The following TMEM232 variants were observed in gnomAD, a reference collection of about 807,000 sequenced individuals.
TMEM232 encodes the protein transmembrane protein 232.
In TMEM232, 80 loss-of-function variants were observed where a neutral mutation model predicts 78.8. The observed-to-expected ratio is 1.01, with a 90% CI of 0.85 to 1.22. TMEM232 has a LOEUF of 1.22. Among genes scored for constraint, TMEM232 ranks in the 50% most tolerant of loss-of-function variants. The probability of loss-of-function intolerance (pLI) is 0.00; values close to 1 mark genes in which losing one functional copy is unlikely to be tolerated. For synonymous variants in TMEM232, 297 were observed against 254.3 expected (o/e 1.17, Z -1.60); for missense variants, 881 against 742.2 (o/e 1.19, Z -2.17).
At chr5:110,532,268 C>A (rs1410677177) in intron 11 of TMEM232, among the ~76,000 whole-genome samples, 2 of 151,960 alleles carry the variant, frequency 1.3e-5, no homozygotes, top group East Asian at 3.9e-4. Flanking sequence ...GCCCAAGGCT[C>A]TCTGACTGAC....
intron 1 of TMEM232, among the ~76,000 whole-genome samples, chr5:110,698,813 A>C (rs1036185632): frequency 1.3e-5 from 2 of 152,132 alleles, no homozygotes; most frequent in Non-Finnish European, 2.9e-5. Context: ...GCTGCAGTTA[A>C]AATGGTGGTT....
chr5:110,703,173 A>G (rs1795597017), intron 1 of TMEM232, among the ~76,000 whole-genome samples: 1 of 152,042 alleles, frequency 6.6e-6, no homozygotes, highest in Admixed American at 6.6e-5. Flanking sequence ...AAATTCCATC[A>G]AAAAGGAGCT....
intron 2 of TMEM232, among the ~76,000 whole-genome samples, chr5:110,665,737 C>T (rs568031515): frequency 5.9e-5 from 9 of 151,970 alleles, no homozygotes; most frequent in African/African-American, 2.2e-4. Flanking sequence ...CCCACTAATG[C>T]AGACTTATAC....
At chr5:110,391,423 C>T (rs1014546616) in intron 3 of TMEM232, among the ~76,000 whole-genome samples, 3 of 151,314 alleles carry the variant, frequency 2.0e-5, no homozygotes, top group African/African-American at 2.4e-5. Context: ...ATTTATTGAG[C>T]CGATGTGTCA....
chr5:110,597,090 C>T (rs868344288), intron 10 of TMEM232, among the ~76,000 whole-genome samples: 16 of 151,948 alleles, frequency 1.1e-4, no homozygotes, highest in East Asian at 3.9e-4. Flanking sequence ...TGTTTGCAGA[C>T]GACATGATTG....
chr5:110,423,535 A>C (rs1376958075), intron 13 of TMEM232, among the ~76,000 whole-genome samples: 1 of 152,206 alleles, frequency 6.6e-6, no homozygotes, highest in African/African-American at 2.4e-5. Flanking sequence ...TTATTAGGCT[A>C]GCCGCACATC....
intron 1 of TMEM232, among the ~76,000 whole-genome samples, chr5:110,713,132 A>G (rs1474200214): frequency 6.9e-6 from 1 of 145,278 alleles, no homozygotes; most frequent in African/African-American, 2.7e-5. Context: ...ATGTTAAGAG[A>G]AAAAAAAAAC....
chr5:110,584,040 A>G lies in TMEM232; in HGVS notation c.1277-15415T>C, dbSNP rs192508408. 2.6e-5 allele frequency among the ~76,000 whole-genome samples: 4 copies of G among 151,868 alleles called. No individual in the cohort carries two copies. The East Asian group carries it at 7.8e-4, about 29-fold the overall frequency. On this transcript the variant is annotated intron_variant, in intron 10 of 13. Coordinates refer to ENST00000455884, the MANE Select transcript of TMEM232 (RefSeq NM_001039763.4). ...GAGGAAATTGGAATCCCTGCAGTACACTACTGGTAGGAATGCAAAGTGGTA... is the reference window on the plus strand; with the variant it reads ...GAGGAAATTGGAATCCCTGCAGTACGCTACTGGTAGGAATGCAAAGTGGTA...
intron 2 of TMEM232, among the ~76,000 whole-genome samples, chr5:110,649,455 C>G (rs1409967208): frequency 6.6e-6 from 1 of 151,972 alleles, no homozygotes; most frequent in African/African-American, 2.4e-5. Flanking sequence ...AAAAAATATA[C>G]AAGTGTTTAT....
At chr5:110,469,480 G>A (rs1762437683) in intron 12 of TMEM232, among the ~76,000 whole-genome samples, 1 of 152,186 alleles carries the variant, frequency 6.6e-6, no homozygotes, top group Non-Finnish European at 1.5e-5. Flanking sequence ...TCCTCCTGGG[G>A]AAATGGTGCC....
chr5:110,465,308 CTG>C (rs1177175050), intron 12 of TMEM232, among the ~76,000 whole-genome samples: 1 of 152,154 alleles, frequency 6.6e-6, no homozygotes, highest in Non-Finnish European at 1.5e-5. Context: ...CCTGACAAAA[CTG>C]TCATGTTCAA....
At chr5:110,613,192 A>T (rs36111462) in intron 8 of TMEM232, among the ~76,000 whole-genome samples, 7,325 of 152,110 alleles carry the variant, frequency 0.048, 249 homozygotes, top group Non-Finnish European at 0.07. Flanking sequence ...CCTTTTGTGG[A>T]TCCTGAACCT....
At chr5:110,706,861 C>T (rs893655536) in intron 1 of TMEM232, among the ~76,000 whole-genome samples, 3 of 152,092 alleles carry the variant, frequency 2.0e-5, no homozygotes, top group Admixed American at 6.6e-5. Flanking sequence ...TTCTCATTGA[C>T]ATAGCAGAGG....
chr5:110,554,587 T>C (rs1417033103), intron 11 of TMEM232, among the ~76,000 whole-genome samples: 1 of 152,164 alleles, frequency 6.6e-6, no homozygotes, highest in African/African-American at 2.4e-5. Flanking sequence ...TGGGTCAATG[T>C]TTATCCGGGA....
At chr5:110,412,140 G>A (rs2112583665) in intron 2 of TMEM232, among the ~76,000 whole-genome samples, 1 of 152,220 alleles carries the variant, frequency 6.6e-6, no homozygotes, top group Non-Finnish European at 1.5e-5. Context: ...TTAGTGTATA[G>A]TGAGAAAGGG....
chr5:110,737,185 T>C (rs1167395762), intron 1 of TMEM232, among the ~76,000 whole-genome samples: 1 of 152,194 alleles, frequency 6.6e-6, no homozygotes, highest in African/African-American at 2.4e-5. Context: ...TCTATCCTTA[T>C]TGCTTAAAAT....
At chr5:110,595,246 C>T (rs1780017872) in intron 10 of TMEM232, among the ~76,000 whole-genome samples, 1 of 152,076 alleles carries the variant, frequency 6.6e-6, no homozygotes, top group African/African-American at 2.4e-5. Context: ...AAAAGGACAC[C>T]CACTCAAAAA....
intron 11 of TMEM232, among the ~76,000 whole-genome samples, chr5:110,552,747 C>A (rs921494231): frequency 6.6e-6 from 1 of 151,988 alleles, no homozygotes; most frequent in Non-Finnish European, 1.5e-5. Context: ...TGTATATCTG[C>A]AAATATATAA....
At chr5:110,642,435 A>T (rs1005651680) in intron 2 of TMEM232, 64 bp from the exon 3 acceptor site, 1 of 1,163,004 alleles carries the variant, frequency 8.6e-7, no homozygotes, top group Non-Finnish European at 1.2e-6. Context: ...ATTTCAATTA[A>T]TCAACTTCCA....
Sources: allele counts gnomAD v4.1 joint callset (sites outside exome capture counted in the v4.1 genomes callset), GRCh38; gene constraint gnomAD v4.1.1; transcripts MANE v1.5; gene names NCBI Gene and HGNC (gene_info 2026-07-23, HGNC 2026-07-21).